Variants in FGF12 observed in about 807,000 individuals in gnomAD.
The protein encoded by FGF12 is fibroblast growth factor 12B.
Under a neutral mutation model 23.6 loss-of-function variants are expected in FGF12, and 14 were observed. The ratio of observed to expected loss-of-function variants is 0.59; its 90% CI spans 0.39 to 0.93. The LOEUF (loss-of-function observed/expected upper bound fraction) is 0.93. Among genes scored for constraint, FGF12 ranks in the 40% least tolerant of loss-of-function variants. The pLI, the probability that FGF12 is intolerant of heterozygous loss-of-function variation, is 0.00. For missense variants in FGF12, 175 were observed against 217.8 expected (o/e 0.80, Z 1.24); for synonymous variants, 62 against 77.3 (o/e 0.80, Z 1.04).
At chr3:192,204,407 T>C (rs1717535112) in intron 4 of FGF12, among the ~76,000 whole-genome samples, 1 of 152,190 alleles carries the variant, frequency 6.6e-6, no homozygotes, top group Non-Finnish European at 1.5e-5. Context: ...AAATTTTAAA[T>C]AGCCATATTT....
intron 4 of FGF12, among the ~76,000 whole-genome samples, chr3:192,288,388 T>C (rs1356002589): frequency 6.6e-6 from 1 of 152,076 alleles, no homozygotes; most frequent in Non-Finnish European, 1.5e-5. Context: ...AGACAAAACA[T>C]AGTATCTATT....
At chr3:192,357,128 TA>T (rs1158903105) in intron 3 of FGF12, among the ~76,000 whole-genome samples, 3 of 152,206 alleles carry the variant, frequency 2.0e-5, no homozygotes, top group African/African-American at 7.2e-5. Flanking sequence ...GTAAAAAGTA[TA>T]AAGGAATTCA....
At chr3:192,192,609 A>C (rs1716852389) in intron 4 of FGF12, among the ~76,000 whole-genome samples, 1 of 151,586 alleles carries the variant, frequency 6.6e-6, no homozygotes, top group Admixed American at 6.6e-5. Context: ...TCTTCTCTCC[A>C]CACTTTTATT....
chr3:192,579,344 C>T (rs1206263126), intron 2 of FGF12, among the ~76,000 whole-genome samples: 2 of 152,148 alleles, frequency 1.3e-5, no homozygotes, highest in Non-Finnish European at 2.9e-5. Flanking sequence ...CATACACACA[C>T]ACAAAGAAAA....
intron 4 of FGF12, among the ~76,000 whole-genome samples, chr3:192,321,278 C>T (rs1315772739): frequency 6.6e-6 from 1 of 151,934 alleles, no homozygotes; most frequent in Non-Finnish European, 1.5e-5. Flanking sequence ...CCCGAACAGA[C>T]CAGTAACAAG....
chr3:192,532,727 A>G (rs1287019296), intron 2 of FGF12, among the ~76,000 whole-genome samples: 1 of 152,198 alleles, frequency 6.6e-6, no homozygotes, highest in African/African-American at 2.4e-5. Context: ...CCAAATCAGA[A>G]ACAAATTTTC....
chr3:192,677,201 C>G (rs1560191233), intron 2 of FGF12, among the ~76,000 whole-genome samples: 2 of 152,162 alleles, frequency 1.3e-5, no homozygotes, highest in Admixed American at 6.5e-5. Context: ...TCCTTCCTCA[C>G]CTTCCAAACT....
chr3:192,640,941 T>A (rs1011200156), intron 2 of FGF12, among the ~76,000 whole-genome samples: 11 of 151,806 alleles, frequency 7.2e-5, no homozygotes, highest in African/African-American at 2.7e-4. Context: ...GCCTCCCAAA[T>A]AGCTGGGACC....
chr3:192,509,127 C>G (rs1724397410), intron 2 of FGF12, among the ~76,000 whole-genome samples: 1 of 151,878 alleles, frequency 6.6e-6, no homozygotes, highest in African/African-American at 2.4e-5. Context: ...CTCTAACTTT[C>G]TAATCTCAGA....
chr3:192,716,018 AACCAGCAAAAT>A (rs769934789), intron 2 of FGF12, among the ~76,000 whole-genome samples: 4 of 152,274 alleles, frequency 2.6e-5, no homozygotes, highest in African/African-American at 2.4e-5. Context: ...ATTTCTGAAT[AACCAGCAAAAT>A]ACACATCTAT....
chr3:192,630,614 G>A (rs1369996942), intron 2 of FGF12, among the ~76,000 whole-genome samples: 2 of 149,498 alleles, frequency 1.3e-5, no homozygotes, highest in Admixed American at 6.6e-5. Flanking sequence ...GTGCAGTGGC[G>A]CGATCTCGGC....
chr3:192,624,358 G>A (rs1167899288), intron 2 of FGF12, among the ~76,000 whole-genome samples: 1 of 152,064 alleles, frequency 6.6e-6, no homozygotes, highest in Non-Finnish European at 1.5e-5. Context: ...CAATTGTCAT[G>A]CACATACCTA....
chr3:192,394,793 C>A (rs1180921685), intron 2 of FGF12, among the ~76,000 whole-genome samples: 1 of 152,138 alleles, frequency 6.6e-6, no homozygotes, highest in Non-Finnish European at 1.5e-5. Flanking sequence ...CTGTAGCATA[C>A]ACAGAAGACT....
chr3:192,199,481 C>T lies in FGF12; in HGVS notation c.229-28825G>A, dbSNP rs1577228302. ...AAAGAAACAGCATTGTCTGCAAATACCAAGTAGCTTAGTGAAGCCAGCTAA... is the reference window on the plus strand; with the variant it reads ...AAAGAAACAGCATTGTCTGCAAATATCAAGTAGCTTAGTGAAGCCAGCTAA... On this transcript the variant is annotated intron_variant, in intron 4 of 5. Transcript: ENST00000445105. Among the ~76,000 whole-genome samples, 3 of 146,786 alleles carry T rather than the reference C, an allele frequency of 2.0e-5. No individual in the cohort carries two copies. In the South Asian group the frequency reaches 6.8e-4, roughly 34 times the overall value.
At chr3:192,384,624 G>T (rs1719965543) in intron 2 of FGF12, among the ~76,000 whole-genome samples, 1 of 152,114 alleles carries the variant, frequency 6.6e-6, no homozygotes, top group Admixed American at 6.5e-5. Context: ...ATACATATAT[G>T]AAAATTCTTA....
chr3:192,427,468 G>C (rs985154241), intron 2 of FGF12, among the ~76,000 whole-genome samples: 29 of 151,904 alleles, frequency 1.9e-4, no homozygotes, highest in African/African-American at 7.0e-4. Context: ...ACATACTCTA[G>C]GTTCTCAATG....
chr3:192,256,869 T>C (rs1380593615), intron 4 of FGF12, among the ~76,000 whole-genome samples: 1 of 152,188 alleles, frequency 6.6e-6, no homozygotes, highest in Admixed American at 6.6e-5. Flanking sequence ...GACTTTCCTT[T>C]AATTAGCTTG....
chr3:192,719,683 A>C (rs1278085030), intron 2 of FGF12, among the ~76,000 whole-genome samples: 1 of 151,920 alleles, frequency 6.6e-6, no homozygotes, highest in Non-Finnish European at 1.5e-5. Flanking sequence ...TAAATTTTCC[A>C]GATTTAAACA....
intron 2 of FGF12, among the ~76,000 whole-genome samples, chr3:192,544,759 T>C (rs1725454768): frequency 6.6e-6 from 1 of 152,210 alleles, no homozygotes; most frequent in Non-Finnish European, 1.5e-5. Context: ...GAGCTGATTC[T>C]AGAGCTAGAC....
Sources: allele counts gnomAD v4.1 joint callset (sites outside exome capture counted in the v4.1 genomes callset), GRCh38; gene constraint gnomAD v4.1.1; transcripts MANE v1.5; gene names NCBI Gene and HGNC (gene_info 2026-07-23, HGNC 2026-07-21).